GLIS3: variants seen among roughly 807,000 people sequenced by gnomAD.
GLIS3 encodes the protein GLIS family zinc finger 3.
GLIS3 carries 53 observed loss-of-function variants against 78.6 expected under a neutral mutation model. The ratio of observed to expected loss-of-function variants is 0.67; its 90% CI spans 0.54 to 0.85. The LOEUF (loss-of-function observed/expected upper bound fraction) is 0.85. Ranked by LOEUF, GLIS3 falls within the 40% of genes least tolerant of loss-of-function variation. GLIS3 has a pLI of 0.00. For synonymous variants in GLIS3, 684 were observed against 509.9 expected, an observed-to-expected ratio of 1.34 and a Z score of -4.60; for missense variants, 1,703 against 1,231.1, an observed-to-expected ratio of 1.38 and a Z score of -5.74.
chr9:4,454,881 A>G, the GLIS3 span, among the ~76,000 whole-genome samples: 1 of 152,180 alleles, frequency 6.6e-6, no homozygotes, highest in African/African-American at 2.4e-5. Flanking sequence ...TGTTTCATAT[A>G]ATCTAGAATT....
intron 1 of GLIS3, among the ~76,000 whole-genome samples, chr9:4,289,440 G>A (rs7033801): frequency 0.1 from 15,773 of 152,156 alleles, 1,669 homozygotes; most frequent in African/African-American, 0.27. Context: ...GCCCATCAGC[G>A]ATGTGTTGTC....
chr9:4,243,206 G>C (rs1055816578), intron 2 of GLIS3, among the ~76,000 whole-genome samples: 11 of 152,218 alleles, frequency 7.2e-5, no homozygotes, highest in African/African-American at 2.7e-4. Flanking sequence ...AGCTTAGCAA[G>C]CTCATATGAG....
At chr9:4,012,789 T>TTTTTTTC (rs1822135222) in intron 4 of GLIS3, among the ~76,000 whole-genome samples, 1 of 140,392 alleles carries the variant, frequency 7.1e-6, no homozygotes. Flanking sequence ...TTTTTTTTTT[T>TTTTTTTC]GAGACAGTGT....
chr9:4,249,681 A>G (rs1025593241), intron 2 of GLIS3, among the ~76,000 whole-genome samples: 4 of 152,200 alleles, frequency 2.6e-5, no homozygotes, highest in African/African-American at 2.4e-5. Flanking sequence ...GAGAGAGGAC[A>G]TCCTTGTCTT....
At chr9:4,103,989 T>C (rs374125179) in intron 4 of GLIS3, among the ~76,000 whole-genome samples, 8 of 152,126 alleles carry the variant, frequency 5.3e-5, no homozygotes, top group Admixed American at 3.3e-4. Context: ...TCACTCCTTC[T>C]TCTACTCTTC....
the GLIS3 span, among the ~76,000 whole-genome samples, chr9:4,370,891 C>A: frequency 2.0e-3 from 298 of 152,002 alleles, no homozygotes; most frequent in African/African-American, 7.0e-3. Flanking sequence ...ATTAGTGAAA[C>A]CTCAGAAGGC....
At chr9:4,145,421 C>A (rs976847894) in intron 2 of GLIS3, among the ~76,000 whole-genome samples, 1 of 150,660 alleles carries the variant, frequency 6.6e-6, no homozygotes, top group Admixed American at 6.7e-5. Flanking sequence ...GTTGCCAAGG[C>A]TAGTACCTTT....
chr9:4,350,699 C>A (rs17661244), upstream of GLIS3, among the ~76,000 whole-genome samples: 20,185 of 152,182 alleles, frequency 0.13, 1,383 homozygotes, highest in Middle Eastern at 0.24. Flanking sequence ...TATCCTCCTT[C>A]ATTCTGGACC....
chr9:4,453,579 C>T, the GLIS3 span, among the ~76,000 whole-genome samples: 1 of 152,136 alleles, frequency 6.6e-6, no homozygotes, highest in African/African-American at 2.4e-5. Flanking sequence ...TGAAAAAACG[C>T]TCATCATTGG....
In GLIS3 at chr9:4,271,015, C is replaced by G. The variant is rs141074446; in HGVS notation, c.388+15023G>C. Among the ~76,000 whole-genome samples, 272 of 152,104 alleles carry G rather than the reference C, an allele frequency of 1.8e-3. 1 individual carries two copies. The highest frequency in any genetic ancestry group is 6.8e-3 in the Middle Eastern group (2 of 292). ...ATAAATTATTCTGCCTCAGCCACCC[C>G]TGAGACAGCAAAACCAACCCTTCCT... is the stretch of plus-strand genomic sequence containing the variant. On this transcript the variant is annotated intron_variant, in intron 2 of 10. Transcript: ENST00000381971.
intron 8 of GLIS3, among the ~76,000 whole-genome samples, chr9:3,878,067 G>A (rs926485495): frequency 3.9e-5 from 6 of 152,092 alleles, no homozygotes; most frequent in South Asian, 2.1e-4. Context: ...CGTCCCTGAC[G>A]GTGTCCTTTC....
intron 2 of GLIS3, among the ~76,000 whole-genome samples, chr9:4,311,940 C>T (rs952783412): frequency 3.0e-5 from 4 of 134,376 alleles, no homozygotes; most frequent in Non-Finnish European, 6.8e-5. Flanking sequence ...GATGAGGACA[C>T]GTGGACACAG....
chr9:4,245,625 G>C (rs1467588821), intron 2 of GLIS3, among the ~76,000 whole-genome samples: 3 of 152,200 alleles, frequency 2.0e-5, no homozygotes, highest in Non-Finnish European at 4.4e-5. Context: ...AACTCCCTTA[G>C]ACTCCAATGG....
intron 4 of GLIS3, among the ~76,000 whole-genome samples, chr9:4,095,646 C>G (rs1829878854): frequency 6.6e-6 from 1 of 152,160 alleles, no homozygotes; most frequent in Admixed American, 6.5e-5. Context: ...GACAACACTA[C>G]TCATCCGTGA....
At chr9:4,337,795 C>G (rs1397673929) in intron 2 of GLIS3, among the ~76,000 whole-genome samples, 1 of 152,094 alleles carries the variant, frequency 6.6e-6, no homozygotes, top group Non-Finnish European at 1.5e-5. Flanking sequence ...TACTCAGTAC[C>G]AGGCTCCACT....
At chr9:4,084,145 C>T (rs1178661853) in intron 4 of GLIS3, among the ~76,000 whole-genome samples, 1 of 152,062 alleles carries the variant, frequency 6.6e-6, no homozygotes, top group Non-Finnish European at 1.5e-5. Context: ...ATTAAAAAGA[C>T]AGCAAGAACT....
At chr9:4,164,521 C>CTG (rs984852759) in intron 2 of GLIS3, among the ~76,000 whole-genome samples, 3 of 152,200 alleles carry the variant, frequency 2.0e-5, no homozygotes, top group African/African-American at 7.2e-5. Flanking sequence ...ATTAACTCGA[C>CTG]TGTGAAAGGG....
intron 2 of GLIS3, among the ~76,000 whole-genome samples, chr9:4,248,951 T>C (rs1205340522): frequency 6.6e-6 from 1 of 152,190 alleles, no homozygotes; most frequent in Admixed American, 6.5e-5. Context: ...ATCTGTGGCA[T>C]TATTTCTGAG....
At chr9:3,831,001 C>T (rs529572671) in intron 9 of GLIS3, among the ~76,000 whole-genome samples, 6 of 152,202 alleles carry the variant, frequency 3.9e-5, no homozygotes, top group Non-Finnish European at 7.4e-5. Context: ...ATGTCTTAAC[C>T]GTCCATAAAG....
Sources: gnomAD v4.1 joint callset for allele counts (sites outside exome capture counted in the v4.1 genomes callset) on GRCh38, gnomAD v4.1.1 for gene constraint, MANE v1.5 for transcripts, NCBI Gene and HGNC (gene_info 2026-07-23, HGNC 2026-07-21) for gene names.